ADCY8: variants seen among roughly 807,000 people sequenced by gnomAD.
The protein encoded by ADCY8 is adenylate cyclase 8.
Under a neutral mutation model 119.7 loss-of-function variants are expected in ADCY8, and 51 were observed. The ratio of observed to expected loss-of-function variants is 0.43; its 90% CI spans 0.34 to 0.54. The LOEUF is 0.54. ADCY8 is among the 20% of genes least tolerant of loss of function. The probability of loss-of-function intolerance (pLI) is 0.03; values close to 1 mark genes in which losing one functional copy is unlikely to be tolerated. For synonymous variants in ADCY8, 665 were observed against 651.0 expected (o/e 1.02, Z -0.33); for missense variants, 1,383 against 1,598.8 (o/e 0.87, Z 2.30).
rs561524179 is a variant in ADCY8 at position 131,007,865 on chromosome 8, A to C, written c.961-17323T>G. ...AGACAATTAGACATGCACTTACTGC[A>C]TAGAGGAATGAGTGCTAGGACAGAG... is the stretch of plus-strand genomic sequence containing the variant. On this transcript the variant is annotated intron_variant, in intron 1 of 17. Coordinates refer to ENST00000286355, the MANE Select transcript of ADCY8 (RefSeq NM_001115.3). 5.9e-5 allele frequency among the ~76,000 whole-genome samples: 9 copies of C among 151,546 alleles called. 1 individual carries two copies. The South Asian group carries it at 1.9e-3, about 31-fold the overall frequency.
chr8:131,008,987 T>C (rs1339269349), intron 1 of ADCY8, among the ~76,000 whole-genome samples: 1 of 152,078 alleles, frequency 6.6e-6, no homozygotes, highest in East Asian at 1.9e-4. Flanking sequence ...GTGGAAGAAA[T>C]TTCTAAGCGG....
At chr8:130,891,102 TAGTTTCCCCAA>T (rs1819170515) in intron 7 of ADCY8, among the ~76,000 whole-genome samples, 2 of 152,152 alleles carry the variant, frequency 1.3e-5, no homozygotes, top group African/African-American at 4.8e-5. Flanking sequence ...GTAGGGCCAG[TAGTTTCCCCAA>T]CCTATTCTGG....
intron 1 of ADCY8, among the ~76,000 whole-genome samples, chr8:131,018,393 C>T (rs1823548293): frequency 6.6e-6 from 1 of 152,180 alleles, no homozygotes; most frequent in Admixed American, 6.5e-5. Flanking sequence ...TGTGCTTTGT[C>T]ACAGTCTGCT....
At chr8:130,823,081 G>A (rs1289566776) in intron 12 of ADCY8, among the ~76,000 whole-genome samples, 1 of 152,096 alleles carries the variant, frequency 6.6e-6, no homozygotes, top group African/African-American at 2.4e-5. Context: ...CTGGCACTTT[G>A]GATATCCTTT....
chr8:130,790,025 G>C (rs1815375183), intron 15 of ADCY8, among the ~76,000 whole-genome samples: 1 of 152,188 alleles, frequency 6.6e-6, no homozygotes, highest in South Asian at 2.1e-4. Flanking sequence ...CCAGTAGGTA[G>C]TTATTGAATA....
chr8:130,858,260 T>C (rs1252941552), intron 9 of ADCY8, among the ~76,000 whole-genome samples: 1 of 152,244 alleles, frequency 6.6e-6, no homozygotes, highest in Non-Finnish European at 1.5e-5. Context: ...TCATTCTTTC[T>C]AAATCTCCCC....
At chr8:130,841,100 T>C (rs1205385575) in intron 11 of ADCY8, among the ~76,000 whole-genome samples, 1 of 152,138 alleles carries the variant, frequency 6.6e-6, no homozygotes, top group Non-Finnish European at 1.5e-5. Context: ...CCAGGTAAGA[T>C]TGGTGGAGGG....
intron 3 of ADCY8, chr8:130,949,681 AG>A (rs1038785299): frequency 1.3e-5 from 2 of 152,196 alleles, no homozygotes; most frequent in Non-Finnish European, 2.9e-5. Flanking sequence ...TCTTCCAGGA[AG>A]GTTTCTCTAC....
intron 15 of ADCY8, among the ~76,000 whole-genome samples, chr8:130,791,244 A>G (rs142131337): frequency 6.6e-6 from 1 of 152,162 alleles, no homozygotes; most frequent in Non-Finnish European, 1.5e-5. Context: ...GGAGTCAGGG[A>G]AAAGGGGAGA....
At chr8:130,807,696 C>T (rs1816010219) in intron 14 of ADCY8, among the ~76,000 whole-genome samples, 1 of 152,114 alleles carries the variant, frequency 6.6e-6, no homozygotes, top group Non-Finnish European at 1.5e-5. Context: ...TAAAAATTGG[C>T]CAGTATCGCC....
intron 1 of ADCY8, among the ~76,000 whole-genome samples, chr8:131,001,521 T>C (rs890723352): frequency 6.7e-6 from 1 of 150,094 alleles, no homozygotes; most frequent in Admixed American, 6.7e-5. Flanking sequence ...ATACTATATA[T>C]ACGTGTGTGT....
At chr8:130,783,594 G>A in intron 17 of ADCY8, 97 bp downstream of exon 17, 1 of 817,868 alleles carries the variant, frequency 1.2e-6, no homozygotes, top group Non-Finnish European at 2.0e-6. Flanking sequence ...GCATTTTGCA[G>A]GAAAAAGCTT....
rs769897531 is a variant in ADCY8 at position 130,904,061 on chromosome 8, G to C, written c.1641-19C>G. ...AATCCTCCTGTGTGTAGAAGGCATA[G>C]GTCATTACACACTCCTGATGTTGCC... On this transcript the variant is annotated intron_variant, in intron 6 of 17. Transcript: ENST00000286355. 1.2e-6 allele frequency: 2 copies of C among 1,602,882 alleles called. No individual in the cohort carries two copies. The highest frequency in any genetic ancestry group is 1.7e-6 in the Non-Finnish European group (2 of 1,173,046).
At chr8:130,953,612 T>C (rs527241332) in intron 2 of ADCY8, among the ~76,000 whole-genome samples, 74 of 152,348 alleles carry the variant, frequency 4.9e-4, no homozygotes, top group African/African-American at 1.7e-3. Flanking sequence ...AACTCTATCA[T>C]TGGATATCCA....
chr8:130,869,307 T>G (rs1305125981), intron 8 of ADCY8, among the ~76,000 whole-genome samples: 1 of 152,118 alleles, frequency 6.6e-6, no homozygotes, highest in Non-Finnish European at 1.5e-5. Context: ...AAGCCCATAT[T>G]ATTAATATTA....
At chr8:130,967,329 AGAAATATTAAGAC>A (rs1563748942) in intron 2 of ADCY8, among the ~76,000 whole-genome samples, 1 of 152,236 alleles carries the variant, frequency 6.6e-6, no homozygotes. Context: ...GGTTCTGCTC[AGAAATATTAAGAC>A]TGCAGTGTTC....
Position 130,798,893 on chromosome 8 carries a change from C to T in ADCY8, c.3060+1533G>A, listed in dbSNP as rs73342411. Among the ~76,000 whole-genome samples, 432 of 152,168 alleles carry T rather than the reference C, an allele frequency of 2.8e-3. 1 individual carries two copies. The highest frequency in any genetic ancestry group is 0.01 in the African/African-American group (418 of 41,486). ...ATGGAAACACACACACACGCATGCA[C>T]ACACACATGCACACACCACACACAT... On this transcript the variant is annotated intron_variant, in intron 15 of 17. Coordinates refer to ENST00000286355, the MANE Select transcript of ADCY8 (RefSeq NM_001115.3).
At chr8:130,907,716 T>A (rs1293533789) in intron 6 of ADCY8, among the ~76,000 whole-genome samples, 1 of 152,198 alleles carries the variant, frequency 6.6e-6, no homozygotes, top group Admixed American at 6.5e-5. Context: ...CTGTTTCTTT[T>A]TACAAATTAT....
At chr8:130,789,171 T>C (rs555362430) in intron 15 of ADCY8, among the ~76,000 whole-genome samples, 1 of 152,326 alleles carries the variant, frequency 6.6e-6, no homozygotes, top group African/African-American at 2.4e-5. Flanking sequence ...TGCAGGTTTT[T>C]GAATCAACTA....
Sources: gnomAD v4.1 joint callset for allele counts (sites outside exome capture counted in the v4.1 genomes callset) on GRCh38, gnomAD v4.1.1 for gene constraint, MANE v1.5 for transcripts, NCBI Gene and HGNC (gene_info 2026-07-23, HGNC 2026-07-21) for gene names.